DACH1: variants seen among roughly 807,000 people sequenced by gnomAD.
The protein encoded by DACH1 is dachshund family transcription factor 1.
Under a neutral mutation model 54.2 loss-of-function variants are expected in DACH1, and 12 were observed. The ratio of observed to expected loss-of-function variants is 0.22; its 90% confidence interval spans 0.14 to 0.36. The LOEUF (loss-of-function observed/expected upper bound fraction) is 0.36. DACH1 is among the 10% of genes least tolerant of loss of function. The pLI is 1.00. For missense variants in DACH1, 805 were observed against 929.8 expected (o/e 0.87, Z 1.75); for synonymous variants, 386 against 366.2 (o/e 1.05, Z -0.62).
At chr13:71,775,158 T>TTTTTTTA (rs1237964660) in intron 1 of DACH1, among the ~76,000 whole-genome samples, 8 of 125,394 alleles carry the variant, frequency 6.4e-5, no homozygotes, top group Non-Finnish European at 9.7e-5. Flanking sequence ...TTTTTTTTTT[T>TTTTTTTA]AAATTAGCTA....
chr13:71,737,100 A>C (rs1884165099), intron 1 of DACH1, among the ~76,000 whole-genome samples: 1 of 151,878 alleles, frequency 6.6e-6, no homozygotes, highest in African/African-American at 2.4e-5. Context: ...AAAATACAAA[A>C]ATTAGCCAGC....
At chr13:71,588,153 C>CT (rs1302486711) in intron 3 of DACH1, among the ~76,000 whole-genome samples, 3 of 152,136 alleles carry the variant, frequency 2.0e-5, no homozygotes, top group East Asian at 3.9e-4. Context: ...ACTAACAACG[C>CT]TTTTTTTCCT....
intron 1 of DACH1, among the ~76,000 whole-genome samples, chr13:71,747,968 C>A (rs1884673937): frequency 6.6e-6 from 1 of 152,062 alleles, no homozygotes; most frequent in African/African-American, 2.4e-5. Context: ...GGCAAATAAA[C>A]CATCTAATCT....
intron 1 of DACH1, among the ~76,000 whole-genome samples, chr13:71,864,545 C>G (rs866824498): frequency 2.6e-5 from 4 of 152,168 alleles, no homozygotes; most frequent in African/African-American, 9.7e-5. Flanking sequence ...TTGGAGGGTA[C>G]CGAAGTTTCT....
At position 71,625,405 on chromosome 13, in the gene DACH1, T is replaced by C. The variant is rs1009049365; in HGVS notation, c.1126+5151A>G. On this transcript the variant is annotated intron_variant, in intron 3 of 10. Coordinates refer to ENST00000613252, the MANE Select transcript of DACH1 (RefSeq NM_080759.6). Reference sequence around the variant, plus strand: ...TCTTTTCCTTCCAAATAGACACATGTGTTAGAAGAAAGGAAATGACTCCAG... The same window carrying C: ...TCTTTTCCTTCCAAATAGACACATGCGTTAGAAGAAAGGAAATGACTCCAG... Among the ~76,000 whole-genome samples the C allele has an allele frequency of 2.0e-5, 3 of 152,016 alleles. No homozygotes were observed. In the South Asian group the frequency reaches 6.2e-4, roughly 31 times the overall value.
At chr13:71,699,769 A>G (rs1047461723) in intron 1 of DACH1, among the ~76,000 whole-genome samples, 2 of 152,222 alleles carry the variant, frequency 1.3e-5, no homozygotes, top group African/African-American at 4.8e-5. Context: ...GAGTGTGCAT[A>G]TTGGTCTTAT....
intron 1 of DACH1, among the ~76,000 whole-genome samples, chr13:71,816,580 ACG>A (rs1887934561): frequency 2.2e-5 from 3 of 134,316 alleles, no homozygotes; most frequent in Non-Finnish European, 4.8e-5. Flanking sequence ...ATATATATAC[ACG>A]TATATATATA....
chr13:71,591,348 C>T (rs1411343382), intron 3 of DACH1, among the ~76,000 whole-genome samples: 2 of 152,064 alleles, frequency 1.3e-5, no homozygotes, highest in African/African-American at 4.8e-5. Flanking sequence ...CATAGATCTA[C>T]ATATCAGTGA....
intron 1 of DACH1, among the ~76,000 whole-genome samples, chr13:71,683,166 G>A (rs1333662947): frequency 6.6e-6 from 1 of 152,098 alleles, no homozygotes; most frequent in African/African-American, 2.4e-5. Context: ...GGCTAATTTA[G>A]GAGAACGGGT....
intron 6 of DACH1, among the ~76,000 whole-genome samples, chr13:71,506,349 A>G (rs1880324032): frequency 7.5e-6 from 1 of 133,816 alleles, no homozygotes; most frequent in Non-Finnish European, 1.5e-5. Flanking sequence ...ATGTGATCTC[A>G]TTGTTCAATT....
At chr13:71,859,953 G>C (rs1200878903) in intron 1 of DACH1, among the ~76,000 whole-genome samples, 1 of 151,846 alleles carries the variant, frequency 6.6e-6, no homozygotes, top group African/African-American at 2.4e-5. Context: ...CAGAGCCTCT[G>C]CTGTGCCTGA....
intron 1 of DACH1, among the ~76,000 whole-genome samples, chr13:71,758,210 T>C (rs930136462): frequency 2.6e-5 from 4 of 152,174 alleles, no homozygotes; most frequent in African/African-American, 9.7e-5. Flanking sequence ...CAGGATTTTT[T>C]TAGAGACAAA....
intron 1 of DACH1, among the ~76,000 whole-genome samples, chr13:71,809,019 C>T (rs1447047741): frequency 2.6e-5 from 4 of 152,128 alleles, no homozygotes; most frequent in Non-Finnish European, 5.9e-5. Context: ...TTCTCTAAAG[C>T]ATAGACCATT....
At chr13:71,651,661 T>C (rs1386908158) in intron 2 of DACH1, among the ~76,000 whole-genome samples, 1 of 113,060 alleles carries the variant, frequency 8.8e-6, no homozygotes, top group Non-Finnish European at 1.8e-5. Context: ...TGTATATGTA[T>C]CTGTATCTGT....
chr13:71,763,984 G>T (rs943373458), intron 1 of DACH1, among the ~76,000 whole-genome samples: 1 of 152,028 alleles, frequency 6.6e-6, no homozygotes, highest in Admixed American at 6.5e-5. Flanking sequence ...ATCAACTTGT[G>T]CACAACAATC....
At chr13:71,828,930 T>C (rs1888483083) in intron 1 of DACH1, among the ~76,000 whole-genome samples, 1 of 151,908 alleles carries the variant, frequency 6.6e-6, no homozygotes, top group South Asian at 2.1e-4. Context: ...ACTTTCTTCC[T>C]CCTCACTCCC....
intron 6 of DACH1, among the ~76,000 whole-genome samples, chr13:71,526,488 T>C (rs1037981806): frequency 6.6e-6 from 1 of 152,044 alleles, no homozygotes; most frequent in Non-Finnish European, 1.5e-5. Context: ...ACAAATATCT[T>C]CTGGTATCTA....
chr13:71,698,086 G>A (rs979184630), intron 1 of DACH1, among the ~76,000 whole-genome samples: 10 of 152,064 alleles, frequency 6.6e-5, no homozygotes, highest in African/African-American at 1.9e-4. Context: ...TGTAAAAGAC[G>A]GATAATTATT....
intron 7 of DACH1, among the ~76,000 whole-genome samples, chr13:71,487,003 C>T (rs1878587298): frequency 6.6e-6 from 1 of 152,058 alleles, no homozygotes; most frequent in Middle Eastern, 3.4e-3. Context: ...TGCCACTATG[C>T]CTGGCTAATT....
Sources: allele counts gnomAD v4.1 joint callset (sites outside exome capture counted in the v4.1 genomes callset), GRCh38; gene constraint gnomAD v4.1.1; transcripts MANE v1.5; gene names NCBI Gene and HGNC (gene_info 2026-07-23, HGNC 2026-07-21).